The following OPCML variants were observed in gnomAD, a reference collection of about 807,000 sequenced individuals.
The protein encoded by OPCML is opioid binding protein/cell adhesion molecule like.
OPCML carries 13 observed loss-of-function variants against 37.8 expected under a neutral mutation model. The observed-to-expected ratio is 0.34, with a 90% confidence interval of 0.22 to 0.55. OPCML has a LOEUF of 0.55. Among genes scored for constraint, OPCML ranks in the 20% least tolerant of loss-of-function variants. The pLI, the probability that OPCML is intolerant of heterozygous loss-of-function variation, is 0.91. For missense variants in OPCML, 341 were observed against 435.6 expected (o/e 0.78, Z 1.93); for synonymous variants, 176 against 168.8 (o/e 1.04, Z -0.33).
In OPCML at chr11:133,448,521, G is replaced by A. The variant is rs948984140; in HGVS notation, c.61+83743C>T. ...CACCCAGGCTGGAGTGCAAAGGCGC[G>A]ATCTCGACTCACCGCAACCTCCACC... On this transcript the variant is annotated intron_variant, in intron 1 of 7. Coordinates refer to ENST00000524381, the MANE Select transcript of OPCML (RefSeq NM_001012393.5). 8.5e-5 allele frequency among the ~76,000 whole-genome samples: 13 copies of A among 152,132 alleles called. No homozygotes were observed. The South Asian group carries it at 1.0e-3, about 12-fold the overall frequency.
chr11:133,400,190 C>A (rs2136835590), intron 1 of OPCML, among the ~76,000 whole-genome samples: 1 of 152,286 alleles, frequency 6.6e-6, no homozygotes, highest in African/African-American at 2.4e-5. Flanking sequence ...AATTTAGCCT[C>A]AAGTGAGGAA....
chr11:133,164,914 G>A (rs1291944654), intron 1 of OPCML, among the ~76,000 whole-genome samples: 1 of 152,160 alleles, frequency 6.6e-6, no homozygotes. Context: ...TGTCCCTGAG[G>A]GGAGAAAAGA....
chr11:133,458,598 TGTGTGTGTGTATACACATATATACAC>T (rs1206920366), intron 1 of OPCML, among the ~76,000 whole-genome samples: 8 of 96,442 alleles, frequency 8.3e-5, no homozygotes, highest in Non-Finnish European at 1.2e-4. Context: ...TATATACACG[TGTGTGTGTGTATACACATATATACAC>T]GTGTGTGTGT....
chr11:132,564,044 G>C (rs1324133300), intron 3 of OPCML, among the ~76,000 whole-genome samples: 1 of 152,192 alleles, frequency 6.6e-6, no homozygotes, highest in Non-Finnish European at 1.5e-5. Flanking sequence ...CCTTTTATGG[G>C]TGAGAAAAGT....
At position 133,208,253 on chromosome 11, in the gene OPCML, A is replaced by G. The variant is rs963975023; in HGVS notation, c.62-265243T>C. 3.9e-5 allele frequency among the ~76,000 whole-genome samples: 6 copies of G among 152,206 alleles called. No individual in the cohort carries two copies. The highest frequency in any genetic ancestry group is 1.4e-4 in the African/African-American group (6 of 41,454). On this transcript the variant is annotated intron_variant, in intron 1 of 7. Coordinates refer to ENST00000524381, the MANE Select transcript of OPCML (RefSeq NM_001012393.5). This position sits in a 1 kb window ranked among gnomAD's most constrained non-coding sequence, Gnocchi z 8.9. ...AGCACATTGTATTACATTGCATTGC[A>G]CTGTATTGTTGTATTACCACGTATA...
chr11:133,377,241 A>T (rs1252456121), intron 1 of OPCML, among the ~76,000 whole-genome samples: 1 of 152,150 alleles, frequency 6.6e-6, no homozygotes, highest in Non-Finnish European at 1.5e-5. Flanking sequence ...TGCGGCAGCC[A>T]TTCGCTCTGC....
intron 1 of OPCML, among the ~76,000 whole-genome samples, chr11:133,137,838 A>C (rs947700028): frequency 6.6e-6 from 1 of 152,236 alleles, no homozygotes; most frequent in Admixed American, 6.5e-5. Flanking sequence ...GCTCTTAAGC[A>C]TGTCAGGAAA....
intron 3 of OPCML, among the ~76,000 whole-genome samples, chr11:132,614,967 G>A (rs575801589): frequency 6.6e-6 from 1 of 152,236 alleles, no homozygotes; most frequent in African/African-American, 2.4e-5. Context: ...CTGATTAGCT[G>A]GAGTGTTCAA....
rs376169086 is a variant in OPCML, at chr11:132,896,451, C to T, written c.146+46475G>A. Reference sequence around the variant, plus strand: ...TCCCAAGGTGATAGGGACCAAGTGACGGCACTCAACCGTCAAAGACAAGTT... The same window carrying T: ...TCCCAAGGTGATAGGGACCAAGTGATGGCACTCAACCGTCAAAGACAAGTT... On this transcript the variant is annotated intron_variant, in intron 2 of 7. Transcript: ENST00000524381. 1.7e-4 allele frequency among the ~76,000 whole-genome samples: 26 copies of T among 152,286 alleles called. 1 individual carries two copies. The South Asian group carries it at 5.2e-3, about 30-fold the overall frequency.
At chr11:133,353,319 C>T (rs1944184811) in intron 1 of OPCML, among the ~76,000 whole-genome samples, 1 of 152,044 alleles carries the variant, frequency 6.6e-6, no homozygotes, top group South Asian at 2.1e-4. Flanking sequence ...TGCACCACAC[C>T]TGGCTAATTT....
chr11:132,522,967 G>A (rs575054975), intron 4 of OPCML, among the ~76,000 whole-genome samples: 6 of 152,250 alleles, frequency 3.9e-5, no homozygotes, highest in East Asian at 3.9e-4. Context: ...ACAGAGTTTC[G>A]CTTTTATCAC....
At chr11:132,671,493 T>A (rs1942474812) in intron 2 of OPCML, among the ~76,000 whole-genome samples, 1 of 152,166 alleles carries the variant, frequency 6.6e-6, no homozygotes, top group Non-Finnish European at 1.5e-5. Context: ...AGATTGCTAA[T>A]ATGGGAGGAA....
chr11:132,937,626 G>C (rs1426434374), intron 2 of OPCML, among the ~76,000 whole-genome samples: 2 of 146,286 alleles, frequency 1.4e-5, no homozygotes, highest in Non-Finnish European at 3.0e-5. Flanking sequence ...GTGTGTGTGT[G>C]TGTGTGTGTG....
At position 132,486,044 on chromosome 11, in the gene OPCML, T is replaced by G. The variant is rs77414464; in HGVS notation, c.505+43017A>C. ...CAGGAGTTCCAGTTGCCCTGCCTCT[T>G]TGTCAACACTTAGTATTGTCAGTCA... On this transcript the variant is annotated intron_variant, in intron 4 of 7. Transcript: ENST00000524381. Among the ~76,000 whole-genome samples the G allele has an allele frequency of 1.4e-4, 22 of 152,340 alleles. No homozygotes were observed. The East Asian group carries it at 4.2e-3, about 29-fold the overall frequency.
chr11:132,601,488 C>T (rs1937893642), intron 3 of OPCML, among the ~76,000 whole-genome samples: 1 of 152,142 alleles, frequency 6.6e-6, no homozygotes, highest in South Asian at 2.1e-4. Flanking sequence ...ATATTATATC[C>T]ACGCTACCAC....
intron 3 of OPCML, among the ~76,000 whole-genome samples, chr11:132,622,755 A>T (rs538815884): frequency 3.1e-4 from 47 of 152,236 alleles, no homozygotes; most frequent in African/African-American, 1.1e-3. Context: ...AAGGTACCAC[A>T]TTGCGCTTTG....
intron 2 of OPCML, among the ~76,000 whole-genome samples, chr11:132,797,595 T>G (rs976240721): frequency 6.6e-6 from 1 of 152,220 alleles, no homozygotes; most frequent in Admixed American, 6.5e-5. Context: ...ATATTTTGGT[T>G]TTCCAGTGCA....
intron 2 of OPCML, among the ~76,000 whole-genome samples, chr11:132,895,478 G>A (rs955387683): frequency 5.3e-5 from 8 of 152,142 alleles, no homozygotes; most frequent in Non-Finnish European, 7.3e-5. Flanking sequence ...AAACAAGAGC[G>A]CTTATCATAT....
intron 2 of OPCML, among the ~76,000 whole-genome samples, chr11:132,787,312 T>C (rs1320184216): frequency 6.6e-6 from 1 of 152,212 alleles, no homozygotes; most frequent in African/African-American, 2.4e-5. Flanking sequence ...GAGCTTAAAT[T>C]CCTTTATCCG....
Sources: allele counts gnomAD v4.1 joint callset (sites outside exome capture counted in the v4.1 genomes callset), GRCh38; gene constraint gnomAD v4.1.1; non-coding constraint Gnocchi (gnomAD v3.1); transcripts MANE v1.5; gene names NCBI Gene and HGNC (gene_info 2026-07-23, HGNC 2026-07-21).